The following ETV6 variants were observed in gnomAD, a reference collection of about 807,000 sequenced individuals.
ETV6 encodes the protein ETS variant transcription factor 6, also known as transcription factor ETV6.
ETV6 carries 16 observed loss-of-function variants against 51.1 expected under a neutral mutation model. That is an observed-to-expected ratio of 0.31 (90% CI 0.21 to 0.48). ETV6 has a LOEUF of 0.48. Ranked by LOEUF, ETV6 falls within the 20% of genes least tolerant of loss-of-function variation. ETV6 has a pLI of 0.99. For missense variants in ETV6, 458 were observed against 594.8 expected, an observed-to-expected ratio of 0.77 and a Z score of 2.39; for synonymous variants, 240 against 224.1, an observed-to-expected ratio of 1.07 and a Z score of -0.64.
intron 1 of ETV6, among the ~76,000 whole-genome samples, chr12:11,715,911 C>CT (rs1242126435): frequency 6.6e-6 from 1 of 152,136 alleles, no homozygotes; most frequent in Admixed American, 6.5e-5. Flanking sequence ...TTTAGCAATT[C>CT]TTTTTTCACA....
intron 5 of ETV6, among the ~76,000 whole-genome samples, chr12:11,876,606 A>G (rs1413686040): frequency 1.3e-5 from 2 of 152,210 alleles, no homozygotes; most frequent in Non-Finnish European, 2.9e-5. Context: ...TGGTACACTG[A>G]CAATTGTTTT....
At chr12:11,713,042 C>T (rs959435698) in intron 1 of ETV6, among the ~76,000 whole-genome samples, 3 of 152,042 alleles carry the variant, frequency 2.0e-5, no homozygotes, top group Admixed American at 6.5e-5. Flanking sequence ...GGGAGCCACA[C>T]GTGAAGTGAG....
intron 2 of ETV6, among the ~76,000 whole-genome samples, chr12:11,775,855 C>T (rs1591665270): frequency 1.3e-5 from 2 of 152,358 alleles, no homozygotes; most frequent in South Asian, 4.1e-4. Context: ...TTTCCATACA[C>T]GTCAATATGT....
chr12:11,669,829 C>G (rs1377927557), intron 1 of ETV6, among the ~76,000 whole-genome samples: 2 of 152,128 alleles, frequency 1.3e-5, no homozygotes. Flanking sequence ...CCGTCGCCAC[C>G]AGCACGTAAT....
At chr12:11,665,024 T>A (rs1864169487) in intron 1 of ETV6, among the ~76,000 whole-genome samples, 1 of 152,182 alleles carries the variant, frequency 6.6e-6, no homozygotes, top group South Asian at 2.1e-4. Flanking sequence ...CATAATGAAC[T>A]TTTTTCTCAG....
chr12:11,714,191 G>A (rs563340997), intron 1 of ETV6, among the ~76,000 whole-genome samples: 1 of 151,924 alleles, frequency 6.6e-6, no homozygotes, highest in Admixed American at 6.6e-5. Flanking sequence ...GGAGATGAGA[G>A]GAAGGAGGAG....
intron 1 of ETV6, among the ~76,000 whole-genome samples, chr12:11,728,311 C>A (rs1281788138): frequency 6.6e-6 from 1 of 152,174 alleles, no homozygotes; most frequent in Non-Finnish European, 1.5e-5. Context: ...GTCCCCAACC[C>A]CCAGACCGCA....
rs761462811 is a variant in ETV6 at position 11,869,944 on chromosome 12, C to T, written c.984C>T (p.His328=). 2.7e-5 allele frequency: 43 copies of T among 1,607,580 alleles called. No individual in the cohort carries two copies. Among genetic ancestry groups the T allele is most frequent in the Non-Finnish European group, 3.3e-5 (39 of 1,179,374 alleles). Residue 328 remains histidine, a synonymous_variant, in exon 5 of 8, where the codon CAC becomes CAT. Transcript: ENST00000396373. This position sits in a 1 kb window ranked among gnomAD's most constrained non-coding sequence, Gnocchi z 5.0. ...IMVSVSPPEE[H]AMPIGRIADC... is the part of the protein sequence containing the mutation. ...TCTCTGTCTCCCCGCCTGAAGAGCA[C>T]GCCATGCCCATTGGGAGAATAGCAG...
At chr12:11,807,167 C>T (rs538805295) in intron 2 of ETV6, among the ~76,000 whole-genome samples, 3 of 152,310 alleles carry the variant, frequency 2.0e-5, no homozygotes, top group East Asian at 1.9e-4. Context: ...TGATTGTGAT[C>T]GGATGTAACT....
chr12:11,691,742 C>G (rs984345702), intron 1 of ETV6, among the ~76,000 whole-genome samples: 1 of 152,196 alleles, frequency 6.6e-6, no homozygotes, highest in African/African-American at 2.4e-5. Flanking sequence ...TTCATTCACT[C>G]TCTCATTGAT....
intron 2 of ETV6, among the ~76,000 whole-genome samples, chr12:11,807,023 A>T (rs1453702360): frequency 6.6e-6 from 1 of 152,250 alleles, no homozygotes; most frequent in African/African-American, 2.4e-5. Context: ...CACATTGAAG[A>T]TTATCTTGGG....
At chr12:11,703,896 C>T (rs1865027947) in intron 1 of ETV6, among the ~76,000 whole-genome samples, 1 of 152,098 alleles carries the variant, frequency 6.6e-6, no homozygotes, top group South Asian at 2.1e-4. Context: ...CAGTAATTGA[C>T]CACCCTTGGA....
At chr12:11,664,165 G>A (rs2120659541) in intron 1 of ETV6, among the ~76,000 whole-genome samples, 1 of 152,274 alleles carries the variant, frequency 6.6e-6, no homozygotes, top group East Asian at 1.9e-4. Context: ...GTCCGTGCCA[G>A]TTTCTGCTAC....
At chr12:11,852,217 A>AT (rs766314284) in intron 3 of ETV6, among the ~76,000 whole-genome samples, 5 of 152,134 alleles carry the variant, frequency 3.3e-5, no homozygotes, top group Non-Finnish European at 5.9e-5. Flanking sequence ...GGGTTTGTTT[A>AT]TTTTTTGCTA....
Position 11,893,841 on chromosome 12 carries a change from T to TATATATATATATATATATAC in ETV6, c.*2796_*2797insTATATATATATATATATACA, listed in dbSNP as rs1491290450. On this transcript the variant is annotated 3_prime_UTR_variant, in exon 8 of 8. Coordinates refer to ENST00000396373, the MANE Select transcript of ETV6 (RefSeq NM_001987.5). ...ATATATATATATATATATATATATA[T>TATATATATATATATATATAC]ACACACACACACACATACACAAATA... The TATATATATATATATATATAC allele has an allele frequency of 1.7e-5, 1 of 57,300 alleles. No homozygotes were observed. Among genetic ancestry groups the TATATATATATATATATATAC allele is most frequent in the African/African-American group, 6.4e-5 (1 of 15,656 alleles). 3.5% of individuals were successfully genotyped at this position (57,300 alleles called of 1,614,324 possible). A position where few individuals can be genotyped will look rare whatever the true frequency, so the allele number is the denominator to read the frequency against.
intron 2 of ETV6, among the ~76,000 whole-genome samples, chr12:11,768,140 A>G (rs1400897846): frequency 1.3e-5 from 2 of 151,204 alleles, no homozygotes; most frequent in Non-Finnish European, 2.9e-5. Context: ...TTTTTTTTTA[A>G]TGTGCTGATA....
chr12:11,850,554 T>C (rs990147363), intron 3 of ETV6, among the ~76,000 whole-genome samples: 1 of 125,746 alleles, frequency 8.0e-6, no homozygotes, highest in African/African-American at 2.5e-5. Flanking sequence ...TTTGTGGTGG[T>C]GGTGGTAGTG....
chr12:11,748,690 C>T (rs2121049895), intron 1 of ETV6, among the ~76,000 whole-genome samples: 1 of 152,234 alleles, frequency 6.6e-6, no homozygotes, highest in South Asian at 2.1e-4. Context: ...ATGCCATTCT[C>T]CTACTGAGCA....
intron 1 of ETV6, among the ~76,000 whole-genome samples, chr12:11,671,941 A>G (rs1204265133): frequency 1.3e-4 from 1 of 7,656 alleles, no homozygotes; most frequent in Non-Finnish European, 8.1e-4. Flanking sequence ...GGTCATGTGA[A>G]AAAAAAAAAC....
Sources: gnomAD v4.1 joint callset for allele counts (sites outside exome capture counted in the v4.1 genomes callset) on GRCh38, gnomAD v4.1.1 for gene constraint, Gnocchi (gnomAD v3.1) non-coding constraint, MANE v1.5 for transcripts, NCBI Gene and HGNC (gene_info 2026-07-23, HGNC 2026-07-21) for gene names.